ROCK1: variants seen among roughly 807,000 people sequenced by gnomAD.
ROCK1 encodes Rho associated coiled-coil containing protein kinase 1, also known as rho-associated protein kinase 1.
In ROCK1, 36 loss-of-function variants were observed where a neutral mutation model predicts 196.8. The ratio of observed to expected loss-of-function variants is 0.18; its 90% CI spans 0.14 to 0.24. ROCK1 has a LOEUF of 0.24. Among genes scored for constraint, ROCK1 ranks in the 10% least tolerant of loss-of-function variants. The pLI is 1.00. For missense variants in ROCK1, 920 were observed against 1,562.0 expected, an observed-to-expected ratio of 0.59 and a Z score of 6.93; for synonymous variants, 443 against 515.9, an observed-to-expected ratio of 0.86 and a Z score of 1.91.
intron 11 of ROCK1, 121 bp from the exon 12 acceptor site, chr18:21,020,360 T>C (rs1246937767): frequency 1.1e-5 from 5 of 475,246 alleles, no homozygotes; most frequent in Non-Finnish European, 1.8e-5. Context: ...ATCTTACCTC[T>C]TTCTATCTCA....
chr18:21,074,454 T>C (rs1164081642), intron 1 of ROCK1, among the ~76,000 whole-genome samples: 1 of 152,156 alleles, frequency 6.6e-6, no homozygotes, highest in Non-Finnish European at 1.5e-5. Context: ...TCTCTACACA[T>C]ACATAGCTGG....
At chr18:21,058,093 A>C (rs950590689) in intron 2 of ROCK1, among the ~76,000 whole-genome samples, 2 of 152,154 alleles carry the variant, frequency 1.3e-5, no homozygotes, top group African/African-American at 4.8e-5. Flanking sequence ...ACAGTATATG[A>C]ACTTGATTTT....
rs1050002753 is a variant in ROCK1 at position 20,947,304 on chromosome 18, T to C, written c.*4080A>G. The C allele has an allele frequency of 3.3e-5, 5 of 151,752 alleles. No individual in the cohort carries two copies. The highest frequency in any genetic ancestry group is 9.7e-5 in the African/African-American group (4 of 41,314). 9.4% of individuals were successfully genotyped at this position (151,752 alleles called of 1,614,324 possible). ...ACTGTTAATAACAGTTATGAAGGAA[T>C]TGGTGGGGTGGGGTGGGGTTTAGGA... is the stretch of plus-strand genomic sequence containing the variant. On this transcript the variant is annotated 3_prime_UTR_variant, in exon 33 of 33. Coordinates refer to ENST00000399799, the MANE Select transcript of ROCK1 (RefSeq NM_005406.3).
intron 6 of ROCK1, among the ~76,000 whole-genome samples, chr18:21,043,788 G>A (rs2143507503): frequency 6.6e-6 from 1 of 151,982 alleles, no homozygotes; most frequent in South Asian, 2.1e-4. Context: ...ACTGGCATAA[G>A]TATTTAGTGA....
At chr18:20,999,009 T>C (rs2035697848) in intron 16 of ROCK1, among the ~76,000 whole-genome samples, 1 of 151,960 alleles carries the variant, frequency 6.6e-6, no homozygotes, top group South Asian at 2.1e-4. Context: ...ACAAGGCCAG[T>C]ATTACCTTGA....
At chr18:20,972,373 T>C (rs2035437555) in intron 22 of ROCK1, among the ~76,000 whole-genome samples, 1 of 152,036 alleles carries the variant, frequency 6.6e-6, no homozygotes, top group Non-Finnish European at 1.5e-5. Flanking sequence ...ACGTTAAATG[T>C]GGGGTGCTTA....
intron 1 of ROCK1, among the ~76,000 whole-genome samples, chr18:21,086,244 T>C (rs764922539): frequency 2.6e-5 from 4 of 151,752 alleles, no homozygotes; most frequent in Non-Finnish European, 4.4e-5. Flanking sequence ...CCTGAGTAGC[T>C]GGGATTACAG....
intron 27 of ROCK1, among the ~76,000 whole-genome samples, chr18:20,965,702 C>T (rs1222651352): frequency 6.6e-6 from 1 of 152,150 alleles, no homozygotes; most frequent in Non-Finnish European, 1.5e-5. Flanking sequence ...AATAATGAAT[C>T]GTGTGTACCT....
chr18:20,980,691 C>CCT lies in ROCK1; in HGVS notation c.2560-688_2560-687insAG, dbSNP rs1204589875. On this transcript the variant is annotated intron_variant, in intron 21 of 32. Coordinates refer to ENST00000399799, the MANE Select transcript of ROCK1 (RefSeq NM_005406.3). The stretch of plus-strand genomic sequence containing the variant: ...CAGCACTTTGGGAGGCCAAGGCGGG[C>CCT]AGATCACAAGGTCAGGAGATTGAGA... 2.0e-5 allele frequency among the ~76,000 whole-genome samples: 3 copies of CCT among 151,864 alleles called. No individual in the cohort carries two copies. In the East Asian group the frequency reaches 5.8e-4, roughly 30 times the overall value.
chr18:21,095,938 T>G (rs2036609193), intron 1 of ROCK1, among the ~76,000 whole-genome samples: 1 of 151,518 alleles, frequency 6.6e-6, no homozygotes, highest in African/African-American at 2.4e-5. Context: ...TATCAAAACA[T>G]CCCATGTACC....
At chr18:21,091,741 C>T (rs1378238982) in intron 1 of ROCK1, among the ~76,000 whole-genome samples, 3 of 152,128 alleles carry the variant, frequency 2.0e-5, no homozygotes, top group African/African-American at 4.8e-5. Context: ...GAGGCCGAGG[C>T]GAGTGGATCA....
Position 21,039,567 on chromosome 18 carries a change from A to G in ROCK1, c.960-4T>C. 1.3e-6 allele frequency: 2 copies of G among 1,599,706 alleles called. No homozygotes were observed. Among genetic ancestry groups the G allele is most frequent in the Non-Finnish European group, 8.6e-7 (1 of 1,167,198 alleles). On this transcript the variant is annotated splice_polypyrimidine_tract_variant and splice_region_variant and intron_variant, in intron 8 of 32. Transcript: ENST00000399799. The stretch of plus-strand genomic sequence containing the variant: ...ATTTCGCCCTAACCTCACTTCCCTG[A>G]ATAATGACAGAAGGAGAAAAGTAAT...
At chr18:20,969,093 A>AT (rs774734331) in intron 24 of ROCK1, 22 bp downstream of exon 24, 3 of 1,463,680 alleles carry the variant, frequency 2.0e-6, no homozygotes, top group Non-Finnish European at 1.9e-6. Flanking sequence ...TAACATGATG[A>AT]TTTTTTAAAA....
intron 29 of ROCK1, among the ~76,000 whole-genome samples, chr18:20,959,086 T>TTTATATATTTTATA (rs2035290002): frequency 6.7e-5 from 2 of 29,804 alleles, no homozygotes; most frequent in African/African-American, 5.0e-4. Flanking sequence ...ATATATATAT[T>TTTATATATTTTATA]TTATATAATA....
intron 27 of ROCK1, among the ~76,000 whole-genome samples, chr18:20,960,873 T>C (rs73959756): frequency 0.011 from 1,633 of 152,274 alleles, 35 homozygotes; most frequent in African/African-American, 0.037. Flanking sequence ...CTAAGTTCAA[T>C]TGCAATTCTA....
At position 20,951,383 on chromosome 18, in the gene ROCK1, G is replaced by A. The variant is rs925279691; in HGVS notation, c.*1C>T. ...ATTCCACAGGGCACTCAGTCACATG[G>A]TTAACTGTTGAGGGAGGGGGAAAAA... On this transcript the variant is annotated 3_prime_UTR_variant, in exon 33 of 33. Coordinates refer to ENST00000399799, the MANE Select transcript of ROCK1 (RefSeq NM_005406.3). The A allele has an allele frequency of 6.3e-7, 1 of 1,597,410 alleles. No homozygotes were observed. Among genetic ancestry groups the A allele is most frequent in the Non-Finnish European group, 8.5e-7 (1 of 1,171,260 alleles).
At chr18:21,052,610 C>T (rs1406677154) in intron 2 of ROCK1, among the ~76,000 whole-genome samples, 1 of 152,120 alleles carries the variant, frequency 6.6e-6, no homozygotes, top group African/African-American at 2.4e-5. Flanking sequence ...AGTGGGTAGG[C>T]AAGCATTACC....
chr18:20,963,132 C>T (rs1209752934), intron 27 of ROCK1, among the ~76,000 whole-genome samples: 1 of 151,964 alleles, frequency 6.6e-6, no homozygotes, highest in Non-Finnish European at 1.5e-5. Context: ...TAATATTCTA[C>T]ATATGTACAA....
At chr18:20,962,659 C>T (rs187207905) in intron 27 of ROCK1, among the ~76,000 whole-genome samples, 2 of 152,050 alleles carry the variant, frequency 1.3e-5, no homozygotes, top group Admixed American at 1.3e-4. Flanking sequence ...GTCAAATAAG[C>T]CAGAATTCTA....
Sources: gnomAD v4.1 joint callset for allele counts (sites outside exome capture counted in the v4.1 genomes callset) on GRCh38, gnomAD v4.1.1 for gene constraint, MANE v1.5 for transcripts, NCBI Gene and HGNC (gene_info 2026-07-23, HGNC 2026-07-21) for gene names.